Variants in SH3GL2 observed in about 807,000 individuals in gnomAD.
SH3GL2 encodes SH3 domain containing GRB2 like 2, endophilin A1, also known as endophilin-A1.
A neutral mutation model predicts 46.0 loss-of-function variants in SH3GL2; 24 were observed. The ratio of observed to expected loss-of-function variants is 0.52; its 90% CI spans 0.38 to 0.73. The LOEUF (loss-of-function observed/expected upper bound fraction) is 0.73, where lower values mean the gene tolerates loss of function less well. Ranked by LOEUF, SH3GL2 falls within the 30% of genes least tolerant of loss-of-function variation. The pLI is 0.00. For missense variants in SH3GL2, 413 were observed against 424.2 expected, an observed-to-expected ratio of 0.97 and a Z score of 0.23; for synonymous variants, 196 against 147.1, an observed-to-expected ratio of 1.33 and a Z score of -2.40.
chr9:17,620,088 CA>C (rs200807931), intron 1 of SH3GL2, among the ~76,000 whole-genome samples: 2,406 of 152,120 alleles, frequency 0.016, 76 homozygotes, highest in African/African-American at 0.055. Context: ...TTTTATATTT[CA>C]AAAAATTCAA....
chr9:17,696,180 G>A (rs563826743), intron 1 of SH3GL2, among the ~76,000 whole-genome samples: 27 of 150,540 alleles, frequency 1.8e-4, no homozygotes, highest in African/African-American at 6.5e-4. Flanking sequence ...CACTAAAGAG[G>A]ACTTTTTTTT....
rs148749087 is a variant in SH3GL2 at position 17,721,874 on chromosome 9, A to G, written c.46-25192A>G. Among the ~76,000 whole-genome samples the G allele has an allele frequency of 1.8e-3, 278 of 152,076 alleles. 2 individuals are homozygous for G. The highest frequency in any genetic ancestry group is 6.3e-3 in the African/African-American group (261 of 41,508). ...TCCTATTGGTTCTGTTTCTCTGGAG[A>G]ACCCTAATATAACCACTAATAGGAA... is the stretch of plus-strand genomic sequence containing the variant. On this transcript the variant is annotated intron_variant, in intron 1 of 8. Transcript: ENST00000380607.
intron 1 of SH3GL2, among the ~76,000 whole-genome samples, chr9:17,724,087 C>G (rs542162263): frequency 8.6e-5 from 13 of 150,904 alleles, no homozygotes; most frequent in African/African-American, 2.9e-4. Flanking sequence ...TTCTTTCTGT[C>G]TCTCATCTCC....
At chr9:17,693,331 C>T (rs1261885406) in intron 1 of SH3GL2, among the ~76,000 whole-genome samples, 1 of 152,078 alleles carries the variant, frequency 6.6e-6, no homozygotes, top group Admixed American at 6.6e-5. Context: ...AGAAACCCTA[C>T]CATTTAGGAG....
At chr9:17,755,966 A>G (rs1822976911) in intron 2 of SH3GL2, 2 of 166,686 alleles carry the variant, frequency 1.2e-5, no homozygotes, top group Admixed American at 6.5e-5. Flanking sequence ...TCAGCATGGC[A>G]TTATTATTAG....
At chr9:17,616,132 A>G (rs1236926899) in intron 1 of SH3GL2, among the ~76,000 whole-genome samples, 1 of 152,172 alleles carries the variant, frequency 6.6e-6, no homozygotes, top group East Asian at 1.9e-4. Flanking sequence ...TGTTTTAGGG[A>G]AAATATATTT....
At chr9:17,792,335 A>G (rs1588341755) in intron 7 of SH3GL2, among the ~76,000 whole-genome samples, 1 of 152,196 alleles carries the variant, frequency 6.6e-6, no homozygotes, top group Non-Finnish European at 1.5e-5. Context: ...AAGAAATACT[A>G]TGTGTCTTTG....
chr9:17,680,153 T>G (rs1820729995), intron 1 of SH3GL2, among the ~76,000 whole-genome samples: 1 of 152,196 alleles, frequency 6.6e-6, no homozygotes, highest in South Asian at 2.1e-4. Context: ...TAAAATGAGT[T>G]AGGGAGGATT....
At chr9:17,643,065 G>T (rs142635893) in intron 1 of SH3GL2, among the ~76,000 whole-genome samples, 142 of 152,224 alleles carry the variant, frequency 9.3e-4, no homozygotes, top group Non-Finnish European at 1.7e-3. Context: ...TTATTTCCTT[G>T]AGCAGTGGTT....
intron 1 of SH3GL2, among the ~76,000 whole-genome samples, chr9:17,724,909 T>G (rs760934843): frequency 6.6e-6 from 1 of 152,098 alleles, no homozygotes; most frequent in African/African-American, 2.4e-5. Flanking sequence ...TAAGCTGGCT[T>G]AGCCAGTTGG....
At chr9:17,641,330 C>A (rs1397689786) in intron 1 of SH3GL2, among the ~76,000 whole-genome samples, 1 of 152,100 alleles carries the variant, frequency 6.6e-6, no homozygotes, top group Non-Finnish European at 1.5e-5. Flanking sequence ...TGAATGAGAG[C>A]AATCCATAAA....
chr9:17,610,073 A>G (rs1818831757), intron 1 of SH3GL2, among the ~76,000 whole-genome samples: 1 of 152,186 alleles, frequency 6.6e-6, no homozygotes. Flanking sequence ...CCCTGTGTGC[A>G]GTTTTAACTC....
intron 1 of SH3GL2, among the ~76,000 whole-genome samples, chr9:17,693,492 T>C (rs1821130969): frequency 6.6e-6 from 1 of 152,158 alleles, no homozygotes; most frequent in African/African-American, 2.4e-5. Flanking sequence ...CTGTGTAAAA[T>C]AGGGATAGAA....
intron 1 of SH3GL2, among the ~76,000 whole-genome samples, chr9:17,661,447 C>T (rs929227502): frequency 4.6e-5 from 7 of 151,626 alleles, no homozygotes; most frequent in African/African-American, 1.5e-4. Context: ...TAAAACCAAC[C>T]GAAAAAGTAA....
At chr9:17,656,045 G>T (rs1026709388) in intron 1 of SH3GL2, among the ~76,000 whole-genome samples, 2 of 152,118 alleles carry the variant, frequency 1.3e-5, no homozygotes, top group African/African-American at 4.8e-5. Flanking sequence ...TGGAGTGAAA[G>T]AACTGAAAAA....
intron 1 of SH3GL2, among the ~76,000 whole-genome samples, chr9:17,659,955 G>A (rs1027006630): frequency 6.6e-6 from 1 of 152,260 alleles, no homozygotes; most frequent in African/African-American, 2.4e-5. Context: ...CTGTAAACAT[G>A]GATAATGGTA....
chr9:17,783,081 T>C (rs752576793), intron 3 of SH3GL2, among the ~76,000 whole-genome samples: 1 of 152,086 alleles, frequency 6.6e-6, no homozygotes, highest in Non-Finnish European at 1.5e-5. Context: ...AGAAAGAATA[T>C]TTTCCCCAGT....
At chr9:17,602,442 G>A (rs1818688466) in intron 1 of SH3GL2, among the ~76,000 whole-genome samples, 1 of 152,088 alleles carries the variant, frequency 6.6e-6, no homozygotes, top group Non-Finnish European at 1.5e-5. Context: ...CTTTCTAAGT[G>A]TTTTGTATCA....
chr9:17,708,713 G>T (rs1476152219), intron 1 of SH3GL2, among the ~76,000 whole-genome samples: 1 of 151,938 alleles, frequency 6.6e-6, no homozygotes, highest in African/African-American at 2.4e-5. Context: ...TGTGAAAGCA[G>T]TCCACTTCTG....
Sources: allele counts gnomAD v4.1 joint callset (sites outside exome capture counted in the v4.1 genomes callset), GRCh38; gene constraint gnomAD v4.1.1; transcripts MANE v1.5; gene names NCBI Gene and HGNC (gene_info 2026-07-23, HGNC 2026-07-21).